Variants in LURAP1L observed in about 807,000 individuals in gnomAD.
The protein encoded by LURAP1L is leucine rich adaptor protein 1 like, also known as leucine rich adaptor protein 1-like.
Under a neutral mutation model 13.8 loss-of-function variants are expected in LURAP1L, and 12 were observed. The observed-to-expected ratio is 0.87, with a 90% CI of 0.56 to 1.41. The LOEUF (loss-of-function observed/expected upper bound fraction) is 1.41. Among genes scored for constraint, LURAP1L ranks in the 40% most tolerant of loss-of-function variants. The pLI is 0.00. For missense variants in LURAP1L, 375 were observed against 292.9 expected (o/e 1.28, Z -2.04); for synonymous variants, 139 against 119.2 (o/e 1.17, Z -1.08).
chr9:12,816,746 A>G (rs1302944309), intron 1 of LURAP1L, among the ~76,000 whole-genome samples: 1 of 152,170 alleles, frequency 6.6e-6, no homozygotes, highest in Non-Finnish European at 1.5e-5. Context: ...AAATACAGAG[A>G]CCTGTGACAT....
At chr9:12,811,624 G>T (rs115418622) in intron 1 of LURAP1L, among the ~76,000 whole-genome samples, 2,549 of 152,222 alleles carry the variant, frequency 0.017, 76 homozygotes, top group African/African-American at 0.059. Context: ...AAAGTATCAT[G>T]CCACAGACAG....
rs182672236 is a variant in LURAP1L at position 12,821,437 on chromosome 9, A to C, written c.364A>C (p.Asn122His). ...VRLMRQLLVINESIESIKWMI... is the reference protein window; with the variant it reads ...VRLMRQLLVIHESIESIKWMI... ...GCTCATGCGCCAGTTGCTTGTAATC[A>C]ATGAGAGCATCGAGTCCATCAAGTG... The change falls in exon 2 of 2, where the codon AAT becomes CAT. Residue 122 changes from asparagine (N) to histidine (H), a missense_variant. Asn to His is a moderately conservative substitution (Grantham distance 68). Transcript: ENST00000319264. 1 of 1,614,166 alleles carries C rather than the reference A, an allele frequency of 6.2e-7. No homozygotes were observed. The highest frequency in any genetic ancestry group is 1.3e-5 in the African/African-American group (1 of 75,046).
intron 1 of LURAP1L, among the ~76,000 whole-genome samples, chr9:12,798,137 T>G (rs1764534720): frequency 6.6e-6 from 1 of 152,194 alleles, no homozygotes; most frequent in South Asian, 2.1e-4. Context: ...TTGTAAATGC[T>G]TCATAGGTAA....
intron 1 of LURAP1L, 145 bp from the exon 2 acceptor site, chr9:12,821,241 T>C (rs1586889764): frequency 1.1e-6 from 1 of 951,216 alleles, no homozygotes; most frequent in South Asian, 1.6e-5. Context: ...TCAGCAATTA[T>C]CAAAAAGTTC....
In LURAP1L at chr9:12,821,717, A is replaced by G. The variant is rs1819883707; in HGVS notation, c.644A>G (p.His215Arg). The stretch of plus-strand genomic sequence containing the variant: ...CTCATAGAGGACTCACAGGCACTAC[A>G]CAAGCGTCCTAAATTGGATTCTGAA... ...SSLIEDSQAL[H>R]KRPKLDSEYY... The change falls in exon 2 of 2, where the codon CAC becomes CGC. Residue 215 changes from histidine to arginine, a missense_variant. His to Arg is a conservative substitution (Grantham distance 29). Coordinates refer to ENST00000319264, the MANE Select transcript of LURAP1L (RefSeq NM_203403.2). 1.2e-6 allele frequency: 2 copies of G among 1,614,070 alleles called. No individual in the cohort carries two copies. Among genetic ancestry groups the G allele is most frequent in the Non-Finnish European group, 1.7e-6 (2 of 1,180,020 alleles).
chr9:12,792,801 C>G (rs1221935875), intron 1 of LURAP1L, among the ~76,000 whole-genome samples: 2 of 152,008 alleles, frequency 1.3e-5, no homozygotes, highest in Admixed American at 6.6e-5. Context: ...AATCCTGACC[C>G]TGACAACCCT....
chr9:12,779,107 A>G (rs1349890140), intron 1 of LURAP1L, among the ~76,000 whole-genome samples: 1 of 152,122 alleles, frequency 6.6e-6, no homozygotes, highest in Non-Finnish European at 1.5e-5. Context: ...TCAAAATACT[A>G]TAATATTTTC....
In LURAP1L at chr9:12,821,505, C is replaced by G; in HGVS notation, c.432C>G (p.Ser144Arg). 3 of 1,614,168 alleles carry G rather than the reference C, an allele frequency of 1.9e-6. No individual in the cohort carries two copies. Among genetic ancestry groups the G allele is most frequent in the Non-Finnish European group, 2.5e-6 (3 of 1,180,030 alleles). ...CCACCATTACCAGCAGAGGCAGCAG[C>G]CTCAGTGGCAGCCTGTGCAGTTTGT... ...EKATITSRGS[S>R]LSGSLCSLLE... The change falls in exon 2 of 2, where the codon AGC (serine) becomes AGG (arginine). Residue 144 changes from serine to arginine, a missense_variant. By Grantham distance (110) the Ser-to-Arg change is moderately radical. Coordinates refer to ENST00000319264, the MANE Select transcript of LURAP1L (RefSeq NM_203403.2).
chr9:12,809,413 T>C (rs540224549), intron 1 of LURAP1L, among the ~76,000 whole-genome samples: 1 of 152,372 alleles, frequency 6.6e-6, no homozygotes, highest in South Asian at 2.1e-4. Flanking sequence ...AATCTACTTA[T>C]GAGCCCATCA....
chr9:12,781,268 G>A (rs1341320469), intron 1 of LURAP1L, among the ~76,000 whole-genome samples: 1 of 152,124 alleles, frequency 6.6e-6, no homozygotes, highest in Admixed American at 6.5e-5. Flanking sequence ...ACTGTGCCCG[G>A]CCCCTTTTAG....
At chr9:12,815,810 T>C (rs1431516181) in intron 1 of LURAP1L, among the ~76,000 whole-genome samples, 1 of 152,200 alleles carries the variant, frequency 6.6e-6, no homozygotes, top group Non-Finnish European at 1.5e-5. Context: ...TCAGTTAATA[T>C]ATAGACATAT....
rs975988422 is a variant in LURAP1L, at chr9:12,822,871, T to C, written c.*1111T>C. On this transcript the variant is annotated 3_prime_UTR_variant, in exon 2 of 2. Transcript: ENST00000319264. ...ATCTAATTAAGATTTCATGCTGTTC[T>C]TTGTAATGATAAATGTTTCCGGACT... Among the ~76,000 whole-genome samples, 140 of 152,308 alleles carry C rather than the reference T, an allele frequency of 9.2e-4. No homozygotes were observed. Among genetic ancestry groups the C allele is most frequent in the Non-Finnish European group, 1.8e-4 (12 of 68,026 alleles).
At chr9:12,786,848 A>G (rs1819363066) in intron 1 of LURAP1L, among the ~76,000 whole-genome samples, 1 of 151,960 alleles carries the variant, frequency 6.6e-6, no homozygotes, top group Non-Finnish European at 1.5e-5. Flanking sequence ...ATGGAAAGTT[A>G]AATGATTGGG....
chr9:12,799,610 G>A (rs900180519), intron 1 of LURAP1L, among the ~76,000 whole-genome samples: 5 of 152,122 alleles, frequency 3.3e-5, no homozygotes, highest in African/African-American at 9.7e-5. Context: ...GCCGGGTGTG[G>A]TGGCTCACGC....
intron 1 of LURAP1L, among the ~76,000 whole-genome samples, chr9:12,779,181 G>A (rs553309926): frequency 6.6e-6 from 1 of 150,900 alleles, no homozygotes; most frequent in African/African-American, 2.4e-5. Context: ...TACTACATTT[G>A]GTTACTTTGG....
At chr9:12,783,351 T>C (rs10125581) in intron 1 of LURAP1L, among the ~76,000 whole-genome samples, 133,675 of 152,138 alleles carry the variant, frequency 0.88, 58,980 homozygotes, top group Non-Finnish European at 0.93. Context: ...TCTGTTTATA[T>C]GGCTTTTATT....
chr9:12,793,493 G>A (rs1374001420), intron 1 of LURAP1L, among the ~76,000 whole-genome samples: 2 of 151,980 alleles, frequency 1.3e-5, no homozygotes, highest in Non-Finnish European at 2.9e-5. Flanking sequence ...CAACAGCCGT[G>A]TTTCTTTTAT....
chr9:12,798,837 G>A (rs1031762212), intron 1 of LURAP1L, among the ~76,000 whole-genome samples: 2 of 152,156 alleles, frequency 1.3e-5, no homozygotes, highest in African/African-American at 4.8e-5. Flanking sequence ...AGCAAAATGT[G>A]CGAGTGACCC....
At chr9:12,800,552 A>T (rs189449615) in intron 1 of LURAP1L, among the ~76,000 whole-genome samples, 2 of 152,262 alleles carry the variant, frequency 1.3e-5, no homozygotes, top group East Asian at 3.9e-4. Flanking sequence ...AACAAAAAAC[A>T]TATTGAATCA....
Sources: gnomAD v4.1 joint callset for allele counts (sites outside exome capture counted in the v4.1 genomes callset) on GRCh38, gnomAD v4.1.1 for gene constraint, MANE v1.5 for transcripts, NCBI Gene and HGNC (gene_info 2026-07-23, HGNC 2026-07-21) for gene names.